Variants in KLHL13 observed in about 807,000 individuals in gnomAD.
KLHL13 encodes the protein kelch like family member 13.
In KLHL13, 10 loss-of-function variants were observed where a neutral mutation model predicts 37.1. The observed-to-expected ratio is 0.27, with a 90% CI of 0.17 to 0.46. The LOEUF is 0.46. Ranked by LOEUF, KLHL13 falls within the 20% of genes least tolerant of loss-of-function variation. KLHL13 has a pLI of 1.00. For synonymous variants in KLHL13, 163 were observed against 181.2 expected, an observed-to-expected ratio of 0.90 and a Z score of 0.81; for missense variants, 360 against 509.3, an observed-to-expected ratio of 0.71 and a Z score of 2.82.
At position 118,079,698 on chromosome X, in the gene KLHL13, T is replaced by C. The variant is rs79566781; in HGVS notation, c.-56+36810A>G. 4.2e-3 allele frequency among the ~76,000 whole-genome samples: 469 copies of C among 111,319 alleles called. 5 individuals carry two copies. Among genetic ancestry groups the C allele is most frequent in the African/African-American group, 0.015 (447 of 30,701 alleles). On this transcript the variant is annotated intron_variant, in intron 1 of 6. Coordinates refer to the KLHL13 transcript ENST00000371882. ...TCATGGATTTGAAGAATCAATGTCA[T>C]TAAAATGGCCATACTACCCAAAGCA...
At chrX:117,912,671 A>G (rs754125507) in intron 4 of KLHL13, among the ~76,000 whole-genome samples, 1 of 112,482 alleles carries the variant, frequency 8.9e-6, no homozygotes, top group Non-Finnish European at 1.9e-5. Context: ...TAAAATCACC[A>G]GAGAAAGGTA....
At chrX:117,961,716 T>C (rs750777720) in intron 1 of KLHL13, among the ~76,000 whole-genome samples, 21 of 110,710 alleles carry the variant, frequency 1.9e-4, no homozygotes, top group African/African-American at 6.9e-4. Flanking sequence ...ATGCAAGCAA[T>C]CTCTAGAAGC....
intron 4 of KLHL13, among the ~76,000 whole-genome samples, chrX:117,910,873 G>A (rs768187770): frequency 2.0e-4 from 22 of 110,732 alleles, no homozygotes; most frequent in South Asian, 1.5e-3. Flanking sequence ...TCTCTCTGGC[G>A]TCAACATGAG....
intron 1 of KLHL13, among the ~76,000 whole-genome samples, chrX:117,967,045 A>C (rs1049173469): frequency 3.6e-5 from 4 of 111,680 alleles, no homozygotes; most frequent in African/African-American, 9.8e-5. Flanking sequence ...GCAACAAAAG[A>C]CAAAATTGAC....
intron 1 of KLHL13, among the ~76,000 whole-genome samples, chrX:118,033,135 G>A (rs186336840): frequency 2.3e-3 from 253 of 111,193 alleles, no homozygotes; most frequent in African/African-American, 7.7e-3. Context: ...TGAAAGTGAG[G>A]GGGGGGAATG....
chrX:118,092,303 C>T (rs2055146280), intron 1 of KLHL13, among the ~76,000 whole-genome samples: 1 of 111,568 alleles, frequency 9.0e-6, no homozygotes, highest in African/African-American at 3.3e-5. Context: ...ATTTTTAAAG[C>T]AGTGAAAGAA....
At chrX:118,109,438 GC>G (rs2055384051) in intron 1 of KLHL13, among the ~76,000 whole-genome samples, 1 of 111,998 alleles carries the variant, frequency 8.9e-6, no homozygotes, top group Non-Finnish European at 1.9e-5. Context: ...AGCTGCCCTT[GC>G]AAGCAGAGAC....
chrX:118,106,599 C>T (rs2055349824), intron 1 of KLHL13, among the ~76,000 whole-genome samples: 1 of 111,601 alleles, frequency 9.0e-6, no homozygotes, highest in African/African-American at 3.3e-5. Context: ...ATCTTAATAA[C>T]GGTCATAAAA....
At chrX:117,904,718 T>C (rs1308221800) in intron 5 of KLHL13, among the ~76,000 whole-genome samples, 1 of 112,055 alleles carries the variant, frequency 8.9e-6, no homozygotes, top group Non-Finnish European at 1.9e-5. Context: ...CATTTGTTTA[T>C]GGATTATGTA....
chrX:117,917,196 G>T (rs1931421288), intron 4 of KLHL13, among the ~76,000 whole-genome samples: 1 of 111,673 alleles, frequency 9.0e-6, no homozygotes, highest in Non-Finnish European at 1.9e-5. Flanking sequence ...AGAGGGAAGA[G>T]ATTTCTACTC....
chrX:118,042,122 T>C (rs1054339204), intron 1 of KLHL13, among the ~76,000 whole-genome samples: 4 of 112,056 alleles, frequency 3.6e-5, no homozygotes, highest in Non-Finnish European at 7.5e-5. Context: ...TGGCATTTTA[T>C]ACTGATAAAG....
At chrX:118,033,216 C>T (rs1442255313) in intron 1 of KLHL13, among the ~76,000 whole-genome samples, 27 of 110,924 alleles carry the variant, frequency 2.4e-4, no homozygotes, top group Non-Finnish European at 4.3e-4. Context: ...GGCAGGCCAA[C>T]ATTCAGATTC....
intron 1 of KLHL13, among the ~76,000 whole-genome samples, chrX:117,963,690 TAA>T (rs2053348778): frequency 1.0e-5 from 1 of 95,497 alleles, no homozygotes; most frequent in Admixed American, 1.2e-4. Context: ...ACCAACAGTG[TAA>T]AAGTGTTCCT....
At chrX:117,956,764 T>C (rs1157499623) in intron 1 of KLHL13, among the ~76,000 whole-genome samples, 1 of 111,050 alleles carries the variant, frequency 9.0e-6, no homozygotes, top group African/African-American at 3.3e-5. Flanking sequence ...GGAGTCAAGG[T>C]GTTAAAAGTT....
At chrX:117,935,136 G>C (rs2051946537) in intron 2 of KLHL13, among the ~76,000 whole-genome samples, 1 of 112,155 alleles carries the variant, frequency 8.9e-6, no homozygotes, top group South Asian at 3.7e-4. Flanking sequence ...ATACCAAAAA[G>C]AAATGAAAAC....
At chrX:118,113,680 C>A (rs2055437102) in intron 1 of KLHL13, among the ~76,000 whole-genome samples, 1 of 112,260 alleles carries the variant, frequency 8.9e-6, no homozygotes, top group African/African-American at 3.2e-5. Context: ...TTTCTGACTT[C>A]CCACACTAAA....
intron 1 of KLHL13, among the ~76,000 whole-genome samples, chrX:118,015,728 T>C (rs748996204): frequency 3.9e-4 from 44 of 111,692 alleles, no homozygotes; most frequent in Middle Eastern, 9.3e-3. Context: ...GGAACAAATA[T>C]GGTGATAAAT....
chrX:117,929,988 A>G (rs1932318485), intron 2 of KLHL13, among the ~76,000 whole-genome samples: 1 of 107,939 alleles, frequency 9.3e-6, no homozygotes, highest in Non-Finnish European at 1.9e-5. Context: ...ATTAAAATAA[A>G]TTTTTAGCAA....
At chrX:118,068,175 T>C (rs2054815001) in intron 1 of KLHL13, among the ~76,000 whole-genome samples, 1 of 111,368 alleles carries the variant, frequency 9.0e-6, no homozygotes, top group African/African-American at 3.3e-5. Flanking sequence ...ATGACTATAA[T>C]ATCGCATTCT....
Sources: gnomAD v4.1 joint callset for allele counts (sites outside exome capture counted in the v4.1 genomes callset) on GRCh38, gnomAD v4.1.1 for gene constraint, MANE v1.5 for transcripts, NCBI Gene and HGNC (gene_info 2026-07-23, HGNC 2026-07-21) for gene names.